TBC1D30: variants seen among roughly 807,000 people sequenced by gnomAD.
The protein encoded by TBC1D30 is TBC1 domain family, member 30.
TBC1D30 carries 31 observed loss-of-function variants against 63.2 expected under a neutral mutation model. That is an observed-to-expected ratio of 0.49 (90% CI 0.37 to 0.66). The LOEUF (loss-of-function observed/expected upper bound fraction) is 0.66. Ranked by LOEUF, TBC1D30 falls within the 30% of genes least tolerant of loss-of-function variation. The pLI, the probability that TBC1D30 is intolerant of heterozygous loss-of-function variation, is 0.00. For missense variants in TBC1D30, 810 were observed against 953.6 expected, an observed-to-expected ratio of 0.85 and a Z score of 1.98; for synonymous variants, 307 against 361.5, an observed-to-expected ratio of 0.85 and a Z score of 1.71.
At chr12:64,844,088 C>G (rs1241180337) in intron 8 of TBC1D30, among the ~76,000 whole-genome samples, 1 of 152,096 alleles carries the variant, frequency 6.6e-6, no homozygotes, top group Admixed American at 6.5e-5. Flanking sequence ...ACCACTGTGC[C>G]CAGCCTACTT....
chr12:64,859,498 A>G (rs965686165), intron 8 of TBC1D30, among the ~76,000 whole-genome samples: 2 of 152,198 alleles, frequency 1.3e-5, no homozygotes, highest in Middle Eastern at 3.2e-3. Context: ...TCAAAGGGAC[A>G]AGTCTGACAG....
At chr12:64,761,384 G>C (rs779240670) in intron 1 of TBC1D30, among the ~76,000 whole-genome samples, 1 of 152,154 alleles carries the variant, frequency 6.6e-6, no homozygotes, top group Non-Finnish European at 1.5e-5. Context: ...TTGAAAAGGG[G>C]CTGAGTAAAA....
chr12:64,840,004 C>CAAAAAA lies in TBC1D30; in HGVS notation c.932+1172_932+1177dup, dbSNP rs60440376. Among the ~76,000 whole-genome samples the CAAAAAA allele has an allele frequency of 3.3e-4, 32 of 98,318 alleles. 1 individual carries two copies. The highest frequency in any genetic ancestry group is 1.4e-3 in the African/African-American group (27 of 19,332). 64.5% of individuals were successfully genotyped at this position (98,318 alleles called of 152,430 possible). ...TGGACGACAGAGCAAGACTCTGTCT[C>CAAAAAA]AAAAAAAAAAAAAAAAAAAAAAAAT... On this transcript the variant is annotated intron_variant, in intron 7 of 11. Transcript: ENST00000539867.
chr12:64,797,028 C>CAAAAAAAA (rs552416081), intron 2 of TBC1D30, among the ~76,000 whole-genome samples: 1 of 75,134 alleles, frequency 1.3e-5, no homozygotes, highest in African/African-American at 5.3e-5. Context: ...TTCTCCTCTG[C>CAAAAAAAA]AAAAAAAAAA....
chr12:64,864,888 G>A (rs1195856231), intron 9 of TBC1D30, 108 bp downstream of exon 9: 2 of 757,070 alleles, frequency 2.6e-6, no homozygotes, highest in Non-Finnish European at 4.2e-6. Context: ...AAAGTAAGTT[G>A]ACACTTAGAA....
At position 64,875,699 on chromosome 12, in the gene TBC1D30, A is replaced by T; in HGVS notation, c.2197A>T (p.Thr733Ser). The T allele has an allele frequency of 6.5e-7, 1 of 1,536,598 alleles. No homozygotes were observed. ...CAGGAACTTGGGATTATATGGCCCT[A>T]CAGAAAGAACCCCAACTGTGCACTT... ...TARNLGLYGP[T>S]ERTPTVHFPQ... The change falls in exon 12 of 12, where the codon ACA becomes TCA. Residue 733 changes from threonine to serine, a missense_variant. By Grantham distance (58) the Thr-to-Ser change is moderately conservative. This residue lies in a region of TBC1D30 where 450 missense variants were observed against 473.0 expected (regional missense o/e 0.95). Coordinates refer to ENST00000539867, the MANE Select transcript of TBC1D30 (RefSeq NM_015279.2).
At chr12:64,822,588 C>A (rs9804998), upstream of TBC1D30, among the ~76,000 whole-genome samples, 3,254 of 152,104 alleles carry the variant, frequency 0.021, 57 homozygotes, top group Middle Eastern at 0.058. Context: ...GCCTTGACCT[C>A]CCTGGCCTCA....
intron 2 of TBC1D30, among the ~76,000 whole-genome samples, chr12:64,815,778 G>A (rs1301066699): frequency 6.6e-6 from 1 of 151,936 alleles, no homozygotes; most frequent in African/African-American, 2.4e-5. Context: ...TAAAGATAAT[G>A]TAAGATTCTT....
In TBC1D30 at chr12:64,824,716, T is replaced by TAC; in HGVS notation, c.-163_-162insCA. On this transcript the variant is annotated 5_prime_UTR_variant, in exon 1 of 12. It removes the in-frame stop codon of an upstream open reading frame in the 5' UTR. Transcript: ENST00000539867. ...GCTCGGCGGCTCCCGCGGTGCCCCG[T>TAC]AAGTCCCCGTGACCCTCCAGCACCA... The TAC allele has an allele frequency of 1.0e-6, 1 of 965,774 alleles. No homozygotes were observed. Among genetic ancestry groups the TAC allele is most frequent in the Non-Finnish European group, 1.5e-6 (1 of 688,396 alleles). 59.8% of individuals were successfully genotyped at this position (965,774 alleles called of 1,614,324 possible).
intron 1 of TBC1D30, among the ~76,000 whole-genome samples, chr12:64,772,796 ACT>A (rs1352865242): frequency 2.6e-5 from 4 of 152,062 alleles, no homozygotes; most frequent in African/African-American, 9.7e-5. Context: ...ATATAGCAAG[ACT>A]CTGTCTCTAA....
At chr12:64,864,862 G>A (rs1392579551) in intron 9 of TBC1D30, 82 bp downstream of exon 9, 12 of 985,982 alleles carry the variant, frequency 1.2e-5, no homozygotes, top group Non-Finnish European at 1.8e-5. Context: ...TATTTATGAA[G>A]CCCCAGAGAT....
At chr12:64,844,453 G>A (rs903905216) in intron 8 of TBC1D30, among the ~76,000 whole-genome samples, 10 of 152,186 alleles carry the variant, frequency 6.6e-5, no homozygotes, top group Non-Finnish European at 8.8e-5. Context: ...ATACAGGCAT[G>A]CAATGCATAA....
chr12:64,850,091 A>G (rs1224707652), intron 8 of TBC1D30, among the ~76,000 whole-genome samples: 1 of 152,214 alleles, frequency 6.6e-6, no homozygotes, highest in East Asian at 1.9e-4. Flanking sequence ...ACTGGTGTAG[A>G]GGAATGCTTG....
rs1227648396 is a variant in TBC1D30 at position 64,875,912 on chromosome 12, C to T, written c.*124C>T. ...GAATAGGTTCAGGGATGAGCAACAG[C>T]CCATAAAAAATGGGAACTGGAAGTT... On this transcript the variant is annotated 3_prime_UTR_variant, in exon 12 of 12. Transcript: ENST00000539867. 2 of 1,030,146 alleles carry T rather than the reference C, an allele frequency of 1.9e-6. No individual in the cohort carries two copies. Among genetic ancestry groups the T allele is most frequent in the Admixed American group, 3.3e-5 (1 of 30,560 alleles). 63.8% of individuals were successfully genotyped at this position (1,030,146 alleles called of 1,614,324 possible).
chr12:64,781,855 TTTG>T (rs370864846), intron 1 of TBC1D30, among the ~76,000 whole-genome samples: 16 of 151,994 alleles, frequency 1.1e-4, no homozygotes, highest in African/African-American at 2.2e-4. Flanking sequence ...ACTAGGAATT[TTTG>T]TTGTTGTTGT....
At chr12:64,796,456 A>C (rs1233737205) in intron 2 of TBC1D30, among the ~76,000 whole-genome samples, 2 of 152,134 alleles carry the variant, frequency 1.3e-5, no homozygotes, top group Non-Finnish European at 2.9e-5. Context: ...AGCTTACGTG[A>C]GAGAAGTATT....
At chr12:64,827,165 TGGG>T (rs1382474681) in intron 1 of TBC1D30, among the ~76,000 whole-genome samples, 2 of 152,138 alleles carry the variant, frequency 1.3e-5, no homozygotes, top group African/African-American at 2.4e-5. Context: ...CTTTAAAAAA[TGGG>T]GCCGGGTGCC....
At position 64,837,798 on chromosome 12, in the gene TBC1D30, C is replaced by T. The variant is rs540403975; in HGVS notation, c.764-885C>T. 6.6e-5 allele frequency among the ~76,000 whole-genome samples: 10 copies of T among 152,274 alleles called. No individual in the cohort carries two copies. The South Asian group carries it at 2.1e-3, about 32-fold the overall frequency. ...TTCCGGATAGGCCAATCTTCCCTGT[C>T]CCCTAGTCAGACACACTTTAGTGAG... On this transcript the variant is annotated intron_variant, in intron 6 of 11. Coordinates refer to ENST00000539867, the MANE Select transcript of TBC1D30 (RefSeq NM_015279.2).
intron 6 of TBC1D30, 144 bp from the exon 7 acceptor site, chr12:64,838,539 A>G (rs1875566792): frequency 1.2e-6 from 1 of 826,220 alleles, no homozygotes; most frequent in Non-Finnish European, 1.8e-6. Context: ...GGCAGAAAAA[A>G]GAAAGAACAA....
Sources: allele counts gnomAD v4.1 joint callset (sites outside exome capture counted in the v4.1 genomes callset), GRCh38; gene constraint gnomAD v4.1.1; regional missense constraint gnomAD v4.1.1; transcripts MANE v1.5; gene names NCBI Gene and HGNC (gene_info 2026-07-23, HGNC 2026-07-21).